SUCLG2: variants seen among roughly 807,000 people sequenced by gnomAD.
The protein encoded by SUCLG2 is succinate--CoA ligase [GDP-forming] subunit beta, mitochondrial.
Under a neutral mutation model 47.9 loss-of-function variants are expected in SUCLG2, and 42 were observed. The observed-to-expected ratio is 0.88, with a 90% CI of 0.69 to 1.14. The LOEUF (loss-of-function observed/expected upper bound fraction) is 1.14. Ranked by LOEUF, SUCLG2 falls within the 50% of genes most tolerant of loss-of-function variation. The pLI is 0.00. For synonymous variants in SUCLG2, 195 were observed against 197.3 expected (o/e 0.99, Z 0.10); for missense variants, 571 against 525.9 (o/e 1.09, Z -0.84).
intron 9 of SUCLG2, among the ~76,000 whole-genome samples, chr3:67,418,611 G>C (rs1008425494): frequency 4.6e-5 from 7 of 152,158 alleles, no homozygotes; most frequent in African/African-American, 1.7e-4. Flanking sequence ...TATAGTTAGT[G>C]CCAAAAGCTA....
chr3:67,468,559 A>C (rs925334209), intron 9 of SUCLG2, among the ~76,000 whole-genome samples: 1 of 152,194 alleles, frequency 6.6e-6, no homozygotes, highest in Non-Finnish European at 1.5e-5. Context: ...TGAAAAGGCC[A>C]AACTACACAG....
intron 2 of SUCLG2, among the ~76,000 whole-genome samples, chr3:67,600,500 G>C (rs534309400): frequency 2.0e-5 from 3 of 152,158 alleles, no homozygotes; most frequent in Non-Finnish European, 4.4e-5. Flanking sequence ...GTCAAAGTAG[G>C]GCTGGGATGG....
chr3:67,414,184 G>A lies in SUCLG2; in HGVS notation c.1063-13333C>T, dbSNP rs375025020. Among the ~76,000 whole-genome samples the A allele has an allele frequency of 2.2e-4, 33 of 152,226 alleles. No individual in the cohort carries two copies. In the East Asian group the frequency reaches 4.6e-3, roughly 21 times the overall value. On this transcript the variant is annotated intron_variant, in intron 9 of 10. Transcript: ENST00000307227. ...TTTTTGTTTGTCTTGAGTAGGTGAT[G>A]CTTCCTGTAATGCCCATTTCTGCTA... is the stretch of plus-strand genomic sequence containing the variant.
chr3:67,443,245 A>T (rs1559528306), intron 9 of SUCLG2, among the ~76,000 whole-genome samples: 1 of 152,064 alleles, frequency 6.6e-6, no homozygotes, highest in Non-Finnish European at 1.5e-5. Context: ...TCTGGAACCA[A>T]TTCCCCAAGG....
At chr3:67,388,087 C>A (rs1490241258) in intron 10 of SUCLG2, among the ~76,000 whole-genome samples, 1 of 152,152 alleles carries the variant, frequency 6.6e-6, no homozygotes, top group African/African-American at 2.4e-5. Context: ...CAGACAGCCA[C>A]CAGACTGGTT....
At chr3:67,474,705 A>G (rs941948275) in intron 9 of SUCLG2, among the ~76,000 whole-genome samples, 8 of 152,246 alleles carry the variant, frequency 5.3e-5, no homozygotes, top group African/African-American at 1.9e-4. Flanking sequence ...CCTTTAATTT[A>G]TCTTTACTGA....
chr3:67,383,159 T>C (rs890578452), intron 10 of SUCLG2, among the ~76,000 whole-genome samples: 4 of 152,210 alleles, frequency 2.6e-5, no homozygotes, highest in African/African-American at 9.6e-5. Flanking sequence ...TGGCCATCCA[T>C]GTGGCCTCAG....
At chr3:67,509,144 G>A (rs571185407) in intron 6 of SUCLG2, among the ~76,000 whole-genome samples, 92 of 152,220 alleles carry the variant, frequency 6.0e-4, no homozygotes, top group African/African-American at 2.1e-3. Context: ...TTTTCAGTAC[G>A]GCCTAAAACG....
At chr3:67,454,742 C>A (rs1237983004) in intron 9 of SUCLG2, among the ~76,000 whole-genome samples, 2 of 152,108 alleles carry the variant, frequency 1.3e-5, no homozygotes, top group African/African-American at 2.4e-5. Flanking sequence ...GCGGGTGGAT[C>A]ACAAGGTCAG....
intron 7 of SUCLG2, among the ~76,000 whole-genome samples, chr3:67,500,234 G>T (rs1310958112): frequency 6.6e-6 from 1 of 151,764 alleles, no homozygotes; most frequent in Non-Finnish European, 1.5e-5. Flanking sequence ...AAACATGGCT[G>T]TATATGGCAT....
chr3:67,610,107 A>G (rs1700501118), intron 1 of SUCLG2, among the ~76,000 whole-genome samples: 1 of 152,226 alleles, frequency 6.6e-6, no homozygotes, highest in Non-Finnish European at 1.5e-5. Context: ...AACTGTATAT[A>G]GACTGTTAAT....
intron 9 of SUCLG2, among the ~76,000 whole-genome samples, chr3:67,442,617 T>C (rs1225379706): frequency 1.3e-5 from 2 of 152,116 alleles, no homozygotes; most frequent in Non-Finnish European, 2.9e-5. Context: ...CCAAAGACTT[T>C]GGGTGGCCTT....
At chr3:67,429,450 C>A (rs1703418058) in intron 9 of SUCLG2, among the ~76,000 whole-genome samples, 1 of 152,100 alleles carries the variant, frequency 6.6e-6, no homozygotes, top group South Asian at 2.1e-4. Flanking sequence ...CTGAAGGAAG[C>A]ACTAAACATG....
chr3:67,559,739 G>A (rs1018129076), intron 2 of SUCLG2, among the ~76,000 whole-genome samples: 4 of 152,158 alleles, frequency 2.6e-5, no homozygotes, highest in African/African-American at 7.2e-5. Flanking sequence ...TAATGGCAGA[G>A]AATTTTTCAC....
chr3:67,626,977 T>C (rs1374582075), intron 1 of SUCLG2, among the ~76,000 whole-genome samples: 1 of 148,200 alleles, frequency 6.7e-6, no homozygotes, highest in Admixed American at 6.7e-5. Flanking sequence ...AGTATATGTA[T>C]CAAAAAATTT....
intron 10 of SUCLG2, among the ~76,000 whole-genome samples, chr3:67,392,025 G>A (rs1702397325): frequency 6.6e-6 from 1 of 152,078 alleles, no homozygotes. Context: ...TTTTGTCAGT[G>A]CATGCCCCTG....
intron 9 of SUCLG2, among the ~76,000 whole-genome samples, chr3:67,401,873 A>C (rs1702690609): frequency 6.6e-6 from 1 of 152,222 alleles, no homozygotes; most frequent in Non-Finnish European, 1.5e-5. Flanking sequence ...AATATCTTAC[A>C]TTTGTATAGC....
chr3:67,605,256 C>T (rs959716955), intron 2 of SUCLG2, among the ~76,000 whole-genome samples: 7 of 152,146 alleles, frequency 4.6e-5, no homozygotes, highest in Admixed American at 2.6e-4. Flanking sequence ...AAACTTCAAT[C>T]GTGCTCTTGG....
intron 1 of SUCLG2, among the ~76,000 whole-genome samples, chr3:67,614,419 T>C (rs1460709795): frequency 6.6e-6 from 1 of 151,646 alleles, no homozygotes; most frequent in Non-Finnish European, 1.5e-5. Flanking sequence ...CTGTGACTTC[T>C]GCTTGTAACA....
Sources: allele counts gnomAD v4.1 joint callset (sites outside exome capture counted in the v4.1 genomes callset), GRCh38; gene constraint gnomAD v4.1.1; transcripts MANE v1.5; gene names NCBI Gene and HGNC (gene_info 2026-07-23, HGNC 2026-07-21).